COP1: variants seen among roughly 807,000 people sequenced by gnomAD.
COP1 encodes E3 ubiquitin-protein ligase COP1.
Under a neutral mutation model 101.3 loss-of-function variants are expected in COP1, and 24 were observed. The ratio of observed to expected loss-of-function variants is 0.24; its 90% CI spans 0.17 to 0.33. The LOEUF is 0.33. Ranked by LOEUF, COP1 falls within the 10% of genes least tolerant of loss-of-function variation. The pLI, the probability that COP1 is intolerant of heterozygous loss-of-function variation, is 1.00. For synonymous variants in COP1, 347 were observed against 341.9 expected, an observed-to-expected ratio of 1.01 and a Z score of -0.17; for missense variants, 663 against 906.2, an observed-to-expected ratio of 0.73 and a Z score of 3.45.
intron 17 of COP1, 35 bp downstream of exon 17, chr1:175,988,253 G>GT: frequency 1.9e-6 from 3 of 1,575,742 alleles, no homozygotes; most frequent in Non-Finnish European, 2.6e-6. Flanking sequence ...ACAAACACCT[G>GT]TTAAAAAGTT....
intron 1 of COP1, among the ~76,000 whole-genome samples, chr1:176,197,723 TG>T (rs1699844356): frequency 6.6e-6 from 1 of 152,224 alleles, no homozygotes; most frequent in Non-Finnish European, 1.5e-5. Flanking sequence ...ATTTAAAAGA[TG>T]TAAAAGTATA....
chr1:176,074,217 T>C (rs889053727), intron 11 of COP1, among the ~76,000 whole-genome samples: 1 of 152,118 alleles, frequency 6.6e-6, no homozygotes, highest in African/African-American at 2.4e-5. Flanking sequence ...GTGAGCCACC[T>C]CACCTGGCCT....
chr1:175,970,939 G>A (rs918255851), intron 18 of COP1, among the ~76,000 whole-genome samples: 7 of 152,200 alleles, frequency 4.6e-5, no homozygotes, highest in African/African-American at 1.7e-4. Flanking sequence ...ATTTGGTAGT[G>A]CATAAAGGCC....
intron 18 of COP1, among the ~76,000 whole-genome samples, chr1:175,985,989 T>C (rs1473380442): frequency 3.3e-5 from 5 of 152,196 alleles, no homozygotes; most frequent in African/African-American, 1.2e-4. Flanking sequence ...ATGATACTAA[T>C]AACTCATGTT....
intron 15 of COP1, among the ~76,000 whole-genome samples, chr1:175,997,569 C>T (rs1271496957): frequency 6.6e-6 from 1 of 152,098 alleles, no homozygotes; most frequent in East Asian, 1.9e-4. Context: ...ACAAACAACC[C>T]CATGAAAAAG....
intron 9 of COP1, among the ~76,000 whole-genome samples, chr1:176,096,017 ACTCT>A (rs1229683978): frequency 6.6e-6 from 1 of 151,874 alleles, no homozygotes; most frequent in African/African-American, 2.4e-5. Context: ...TGCTAGCAGG[ACTCT>A]CTCTTGCTTT....
intron 9 of COP1, among the ~76,000 whole-genome samples, chr1:176,098,716 A>G (rs763429630): frequency 2.6e-5 from 4 of 152,244 alleles, no homozygotes; most frequent in Non-Finnish European, 5.9e-5. Flanking sequence ...CTGAGTCATC[A>G]TTTTGGCAAA....
At chr1:175,946,766 T>A (rs1649221865) in intron 19 of COP1, among the ~76,000 whole-genome samples, 1 of 152,160 alleles carries the variant, frequency 6.6e-6, no homozygotes, top group African/African-American at 2.4e-5. Context: ...AAGAGAACCA[T>A]GAGGAAGAGA....
chr1:176,144,845 A>T (rs1193892426), intron 6 of COP1, among the ~76,000 whole-genome samples: 1 of 152,178 alleles, frequency 6.6e-6, no homozygotes, highest in Non-Finnish European at 1.5e-5. Flanking sequence ...TCTATACCTC[A>T]CATTATACAC....
At chr1:175,992,668 C>A (rs1658890992) in intron 15 of COP1, among the ~76,000 whole-genome samples, 3 of 152,246 alleles carry the variant, frequency 2.0e-5, no homozygotes, top group Admixed American at 1.3e-4. Flanking sequence ...TGAGATCAAA[C>A]TGCAAGGCGG....
At chr1:176,148,393 TAAA>T (rs74263829) in intron 6 of COP1, among the ~76,000 whole-genome samples, 1 of 138,702 alleles carries the variant, frequency 7.2e-6, no homozygotes, top group Non-Finnish European at 1.6e-5. Context: ...GTTAGAAATT[TAAA>T]AAAAAAAAAA....
At position 176,149,429 on chromosome 1, in the gene COP1, T is replaced by A. The variant is rs574473018; in HGVS notation, c.763-355A>T. Among the ~76,000 whole-genome samples, 11 of 152,248 alleles carry A rather than the reference T, an allele frequency of 7.2e-5. No homozygotes were observed. In the South Asian group the frequency reaches 2.3e-3, roughly 32 times the overall value. ...AAATTTACAGTGAAAGTAACATAGCTTATAGACACTAAAATCACTTTCTCC... is the reference window on the plus strand; with the variant it reads ...AAATTTACAGTGAAAGTAACATAGCATATAGACACTAAAATCACTTTCTCC... On this transcript the variant is annotated intron_variant, in intron 5 of 19. Transcript: ENST00000367669.
intron 18 of COP1, among the ~76,000 whole-genome samples, chr1:175,959,116 A>T (rs1341395826): frequency 1.3e-5 from 2 of 152,008 alleles, no homozygotes; most frequent in African/African-American, 4.8e-5. Flanking sequence ...ATAAATCTTG[A>T]CCAAGTTGGG....
chr1:175,961,695 C>CAAAAAAA (rs3034815), intron 18 of COP1, among the ~76,000 whole-genome samples: 2 of 69,416 alleles, frequency 2.9e-5, no homozygotes, highest in African/African-American at 5.6e-5. Flanking sequence ...GACCCTGTCT[C>CAAAAAAA]AAAAAAAAAA....
chr1:176,128,636 A>C (rs1688419703), intron 8 of COP1, among the ~76,000 whole-genome samples: 3 of 152,020 alleles, frequency 2.0e-5, no homozygotes, highest in Admixed American at 6.6e-5. Flanking sequence ...GAGACTTCTT[A>C]AAATCTGTCT....
At chr1:176,174,775 G>C (rs979571578) in intron 3 of COP1, among the ~76,000 whole-genome samples, 3 of 152,156 alleles carry the variant, frequency 2.0e-5, no homozygotes, top group African/African-American at 7.2e-5. Flanking sequence ...GAGCATATTA[G>C]TCTTTAAAAT....
At chr1:176,057,256 T>C (rs997373353) in intron 11 of COP1, among the ~76,000 whole-genome samples, 1 of 152,210 alleles carries the variant, frequency 6.6e-6, no homozygotes, top group Non-Finnish European at 1.5e-5. Flanking sequence ...ATGAGTGATA[T>C]GCTTTGCTAT....
chr1:175,963,130 TCTA>T (rs1558165417), intron 18 of COP1, among the ~76,000 whole-genome samples: 1 of 152,102 alleles, frequency 6.6e-6, no homozygotes, highest in African/African-American at 2.4e-5. Context: ...GAGTAGACTC[TCTA>T]CTTTTAATCT....
intron 18 of COP1, among the ~76,000 whole-genome samples, chr1:175,965,804 G>A (rs1380876324): frequency 6.6e-6 from 1 of 151,862 alleles, no homozygotes; most frequent in Non-Finnish European, 1.5e-5. Context: ...GGCTGGTCTC[G>A]AACTCCTGAC....
Sources: allele counts gnomAD v4.1 joint callset (sites outside exome capture counted in the v4.1 genomes callset), GRCh38; gene constraint gnomAD v4.1.1; transcripts MANE v1.5; gene names NCBI Gene and HGNC (gene_info 2026-07-23, HGNC 2026-07-21).